The following POU2F3 variants were observed in gnomAD, a reference collection of about 807,000 sequenced individuals.
POU2F3 encodes POU class 2 homeobox 3.
POU2F3 carries 23 observed loss-of-function variants against 59.2 expected under a neutral mutation model. That is an observed-to-expected ratio of 0.39 (90% CI 0.28 to 0.55). The LOEUF is 0.55. POU2F3 is among the 20% of genes least tolerant of loss of function. The pLI, the probability that POU2F3 is intolerant of heterozygous loss-of-function variation, is 0.66. For synonymous variants in POU2F3, 190 were observed against 214.6 expected (o/e 0.89, Z 1.00); for missense variants, 473 against 544.5 (o/e 0.87, Z 1.31).
At chr11:120,237,785 C>T (rs552444179), upstream of POU2F3, among the ~76,000 whole-genome samples, 11 of 151,962 alleles carry the variant, frequency 7.2e-5, no homozygotes, top group Admixed American at 6.5e-4. Context: ...AGGGAAGGGG[C>T]CAAACCTGAA....
At chr11:120,252,818 C>T (rs577945466) in intron 2 of POU2F3, among the ~76,000 whole-genome samples, 1 of 152,286 alleles carries the variant, frequency 6.6e-6, no homozygotes, top group Middle Eastern at 3.4e-3. Flanking sequence ...TTGTATGGTT[C>T]AGATGAGCCG....
In POU2F3 at chr11:120,246,474, C is replaced by G. The variant is rs766126866; in HGVS notation, c.54C>G (p.Ala18=). ...ATATCAAGATGAGTGGGGATGTAGC[C>G]GATTCCACGGATGCTCGCAGCACTC... ...HTDIKMSGDV[A]DSTDARSTLS... Residue 18 remains alanine, a synonymous_variant, in exon 2 of 13, where the codon GCC becomes GCG. Coordinates refer to ENST00000543440, the MANE Select transcript of POU2F3 (RefSeq NM_014352.4). 2.5e-6 allele frequency: 4 copies of G among 1,613,134 alleles called. No homozygotes were observed. The highest frequency in any genetic ancestry group is 3.4e-6 in the Non-Finnish European group (4 of 1,179,900).
At chr11:120,270,102 T>C (rs934255228) in intron 3 of POU2F3, among the ~76,000 whole-genome samples, 1 of 152,146 alleles carries the variant, frequency 6.6e-6, no homozygotes, top group Non-Finnish European at 1.5e-5. Context: ...TTCGTCCCAT[T>C]TCTGCCACTA....
intron 10 of POU2F3, among the ~76,000 whole-genome samples, chr11:120,310,596 G>A (rs1941626089): frequency 6.6e-6 from 1 of 152,134 alleles, no homozygotes; most frequent in Non-Finnish European, 1.5e-5. Flanking sequence ...GTATCTGGAG[G>A]GTGGGTGTGG....
At chr11:120,286,077 G>A (rs982281037) in intron 3 of POU2F3, among the ~76,000 whole-genome samples, 6 of 152,018 alleles carry the variant, frequency 3.9e-5, no homozygotes, top group African/African-American at 1.4e-4. Context: ...TAGAGATGGG[G>A]TTTTGCCATG....
At chr11:120,242,630 AGCATAG>A (rs1938712443) in intron 1 of POU2F3, among the ~76,000 whole-genome samples, 1 of 152,096 alleles carries the variant, frequency 6.6e-6, no homozygotes, top group Admixed American at 6.5e-5. Flanking sequence ...CACAAACTAG[AGCATAG>A]GCTTGCTCCC....
chr11:120,282,340 C>T (rs1806728673), intron 3 of POU2F3, among the ~76,000 whole-genome samples: 1 of 152,166 alleles, frequency 6.6e-6, no homozygotes, highest in Non-Finnish European at 1.5e-5. Context: ...TATTATTTTC[C>T]TTCACCAGAG....
chr11:120,291,744 A>G (rs1941027809), intron 3 of POU2F3, among the ~76,000 whole-genome samples: 2 of 152,154 alleles, frequency 1.3e-5, no homozygotes, highest in Admixed American at 6.5e-5. Flanking sequence ...TAACATAGCA[A>G]GCATACTTAC....
rs146092390 is a variant in POU2F3, at chr11:120,285,665, G to A, written c.133-12600G>A. 5.6e-4 allele frequency among the ~76,000 whole-genome samples: 86 copies of A among 152,276 alleles called. No individual in the cohort carries two copies. In the East Asian group the frequency reaches 0.012, roughly 22 times the overall value. ...CCCAGAGGTAACTCCTTTTATCAGGGTAGCGTATATATGTCTGGAAGACTT... is the reference window on the plus strand; with the variant it reads ...CCCAGAGGTAACTCCTTTTATCAGGATAGCGTATATATGTCTGGAAGACTT... On this transcript the variant is annotated intron_variant, in intron 3 of 12. Coordinates refer to ENST00000543440, the MANE Select transcript of POU2F3 (RefSeq NM_014352.4). The surrounding 1 kb of genome is among the most constrained non-coding windows in gnomAD (Gnocchi z 4.3).
In POU2F3 at chr11:120,269,211, A is replaced by G; in HGVS notation, c.99A>G (p.Gly33=). Reference sequence around the variant, plus strand: ...TACATATATTTTTATCTTTTCTAGGAAATGATCGAAATGGCCTAGATTTCA... The same window carrying G: ...TACATATATTTTTATCTTTTCTAGGGAATGATCGAAATGGCCTAGATTTCA... ...ARSTLSQVEP[G]NDRNGLDFNR... is the part of the protein sequence containing the mutation. The change falls in exon 3 of 13, where the codon GGA becomes GGG. Residue 33 remains glycine (G), a splice_region_variant and synonymous_variant. Coordinates refer to ENST00000543440, the MANE Select transcript of POU2F3 (RefSeq NM_014352.4). 1 of 1,580,782 alleles carries G rather than the reference A, an allele frequency of 6.3e-7. No homozygotes were observed. Among genetic ancestry groups the G allele is most frequent in the Non-Finnish European group, 8.7e-7 (1 of 1,149,928 alleles).
chr11:120,243,856 G>A (rs1938768245), intron 1 of POU2F3, among the ~76,000 whole-genome samples: 1 of 152,176 alleles, frequency 6.6e-6, no homozygotes. Flanking sequence ...TCCCATAATG[G>A]ATACATCAAA....
At position 120,306,989 on chromosome 11, in the gene POU2F3, G is replaced by A. The variant is rs374069471; in HGVS notation, c.770-490G>A. 5.7e-4 allele frequency among the ~76,000 whole-genome samples: 87 copies of A among 152,292 alleles called. 2 individuals are homozygous for A. In the East Asian group the frequency reaches 0.01, roughly 18 times the overall value. ...AGCCTTAGCTCAAACATTTGCACTG[G>A]CAGGAAAATGACTCCAACACCAACA... On this transcript the variant is annotated intron_variant, in intron 8 of 12. Transcript: ENST00000543440.
intron 3 of POU2F3, among the ~76,000 whole-genome samples, chr11:120,276,691 C>T (rs1940340757): frequency 6.6e-6 from 1 of 152,162 alleles, no homozygotes; most frequent in African/African-American, 2.4e-5. Context: ...CTCTCTCTCC[C>T]CTCCAAAATG....
At chr11:120,318,098 T>C (rs533237151) in intron 12 of POU2F3, among the ~76,000 whole-genome samples, 7 of 152,338 alleles carry the variant, frequency 4.6e-5, no homozygotes, top group Middle Eastern at 3.4e-3. Context: ...GAGGACCATA[T>C]AATATACATT....
chr11:120,245,498 A>T (rs1938832610), intron 1 of POU2F3, among the ~76,000 whole-genome samples: 1 of 152,142 alleles, frequency 6.6e-6, no homozygotes, highest in Admixed American at 6.6e-5. Context: ...GTGGGGGTCA[A>T]CATGATTTGA....
intron 6 of POU2F3, 52 bp downstream of exon 6, chr11:120,302,420 G>A: frequency 6.6e-7 from 1 of 1,513,328 alleles, no homozygotes; most frequent in Non-Finnish European, 9.2e-7. Context: ...AGCTCTCACT[G>A]AGTTTAACTC....
chr11:120,298,517 C>T (rs1191614113), intron 4 of POU2F3, 127 bp downstream of exon 4: 6 of 1,326,448 alleles, frequency 4.5e-6, no homozygotes, highest in Non-Finnish European at 5.2e-6. Flanking sequence ...GATCTGGAGG[C>T]TGTGAGTAGG....
intron 6 of POU2F3, chr11:120,303,840 A>T (rs924460236): frequency 6.6e-6 from 1 of 152,192 alleles, no homozygotes; most frequent in Non-Finnish European, 1.5e-5. Flanking sequence ...TTAGTCTACA[A>T]AAAGTAAATC....
intron 3 of POU2F3, among the ~76,000 whole-genome samples, chr11:120,276,071 G>C: frequency 6.6e-6 from 1 of 152,210 alleles, no homozygotes; most frequent in Admixed American, 6.5e-5. Context: ...GGGAAATGCA[G>C]GGGCAGCAGT....
Sources: allele counts gnomAD v4.1 joint callset (sites outside exome capture counted in the v4.1 genomes callset), GRCh38; gene constraint gnomAD v4.1.1; non-coding constraint Gnocchi (gnomAD v3.1); transcripts MANE v1.5; gene names NCBI Gene and HGNC (gene_info 2026-07-23, HGNC 2026-07-21).